ZFAND4: variants seen among roughly 807,000 people sequenced by gnomAD.
ZFAND4 encodes zinc finger AN1-type containing 4.
In ZFAND4, 43 loss-of-function variants were observed where a neutral mutation model predicts 64.4. That is an observed-to-expected ratio of 0.67 (90% CI 0.52 to 0.86). The LOEUF (loss-of-function observed/expected upper bound fraction) is 0.86, where lower values mean the gene tolerates loss of function less well. Ranked by LOEUF, ZFAND4 falls within the 40% of genes least tolerant of loss-of-function variation. The pLI is 0.00. For missense variants in ZFAND4, 929 were observed against 859.8 expected (o/e 1.08, Z -1.01); for synonymous variants, 296 against 305.7 (o/e 0.97, Z 0.33).
At position 45,623,247 on chromosome 10, in the gene ZFAND4, T is replaced by C. The variant is rs114787251; in HGVS notation, c.1927+1336A>G. 3.2e-3 allele frequency among the ~76,000 whole-genome samples: 490 copies of C among 152,290 alleles called. 4 individuals are homozygous for C. The highest frequency in any genetic ancestry group is 0.011 in the African/African-American group (459 of 41,556). ...AATTAAAAATAGAAATACCTTCTGA[T>C]CCCGCAATTTCATTTCTGGGTATAT... On this transcript the variant is annotated intron_variant, in intron 8 of 9. Transcript: ENST00000344646.
intron 4 of ZFAND4, chr10:45,650,645 G>A (rs1476525575): frequency 6.6e-6 from 1 of 152,070 alleles, no homozygotes; most frequent in African/African-American, 2.4e-5. Context: ...GTTTAAAGTA[G>A]TACTACGCAC....
rs780417286 is a variant in ZFAND4 at position 45,626,080 on chromosome 10, T to A, written c.1743A>T (p.Arg581Ser). ...TGCCTGCCCCACGTGTGCTCTGTAA[T>A]CTATTTCTGCTTGTGCTCCCGGCCA... ...ASLAGSTSRN[R>S]LQSTRGAGRL... Residue 581 changes from arginine (R) to serine (S), a missense_variant, in exon 7 of 10, where the codon AGA becomes AGT. Coordinates refer to ENST00000344646, the MANE Select transcript of ZFAND4 (RefSeq NM_174890.4). 5.6e-6 allele frequency: 9 copies of A among 1,614,110 alleles called. No individual in the cohort carries two copies. The highest frequency in any genetic ancestry group is 6.8e-6 in the Non-Finnish European group (8 of 1,180,034).
At chr10:45,663,952 A>T (rs1473476153) in intron 1 of ZFAND4, 110 bp from the exon 2 acceptor site, 2 of 399,892 alleles carry the variant, frequency 5.0e-6, no homozygotes, top group Admixed American at 9.1e-5. Context: ...CCCAGAATTC[A>T]CTTTAGTGCT....
At position 45,626,479 on chromosome 10, in the gene ZFAND4, CACTCCTGCA is replaced by C; in HGVS notation, c.1335_1343del (p.Ala446_Val448del). ...AAGTCTCTACTGATTCCCCATTCAGCACTCCTGCAACATGCTTGAGATGCTGCTCTGGAG... is the reference window on the plus strand; with the variant it reads ...AAGTCTCTACTGATTCCCCATTCAGCACATGCTTGAGATGCTGCTCTGGAG... On this transcript the variant is annotated inframe_deletion, in exon 7 of 10. Coordinates refer to ENST00000344646, the MANE Select transcript of ZFAND4 (RefSeq NM_174890.4). The C allele has an allele frequency of 1.2e-6, 2 of 1,613,710 alleles. No homozygotes were observed. The highest frequency in any genetic ancestry group is 4.5e-5 in the East Asian group (2 of 44,878).
chr10:45,626,883 C>A lies in ZFAND4; in HGVS notation c.940G>T (p.Gly314Cys). 1.2e-6 allele frequency: 2 copies of A among 1,614,132 alleles called. No individual in the cohort carries two copies. Among genetic ancestry groups the A allele is most frequent in the Middle Eastern group, 1.6e-4 (1 of 6,062 alleles). ...SAERYISSITGEFLKEDNSWE... is the reference protein window; with the variant it reads ...SAERYISSITCEFLKEDNSWE... ...CTATTATCTTCCTTAAGAAATTCAC[C>A]AGTGATAGAAGATATGTATCTCTCA... The change falls in exon 7 of 10, where the codon GGT becomes TGT. Residue 314 changes from glycine (G) to cysteine (C), a missense_variant. By Grantham distance (159) the Gly-to-Cys change is radical (BLOSUM62 -3). Transcript: ENST00000344646.
intron 2 of ZFAND4, among the ~76,000 whole-genome samples, chr10:45,656,542 GAAAGA>G (rs1043999915): frequency 4.3e-5 from 5 of 116,514 alleles, no homozygotes; most frequent in African/African-American, 1.6e-4. Flanking sequence ...AAAAAAGAAA[GAAAGA>G]AAAGAAACAA....
intron 6 of ZFAND4, among the ~76,000 whole-genome samples, chr10:45,627,631 G>A (rs1343769063): frequency 2.0e-5 from 3 of 152,122 alleles, no homozygotes; most frequent in Non-Finnish European, 4.4e-5. Flanking sequence ...GATAAGAGTC[G>A]TTCATTGTGC....
chr10:45,656,521 AAAAAG>A (rs1490231387), intron 2 of ZFAND4, among the ~76,000 whole-genome samples: 2 of 147,312 alleles, frequency 1.4e-5, no homozygotes, highest in South Asian at 2.1e-4. Flanking sequence ...AAAAAAAAAA[AAAAAG>A]AAAAGAAAAA....
At chr10:45,665,598 A>C (rs184113952) in intron 1 of ZFAND4, among the ~76,000 whole-genome samples, 35 of 152,276 alleles carry the variant, frequency 2.3e-4, no homozygotes, top group African/African-American at 8.2e-4. Flanking sequence ...AAATTCACTC[A>C]TTTAAAGCCT....
Position 45,617,002 on chromosome 10 carries a change from C to G in ZFAND4, c.2049-431G>C, listed in dbSNP as rs563158837. ...CTGAGGCAGGAGAATCGCTTGAACC[C>G]AGGAGGTGGAGGTTGCAGTGAGCCA... is the stretch of plus-strand genomic sequence containing the variant. On this transcript the variant is annotated intron_variant, in intron 9 of 9. Coordinates refer to ENST00000344646, the MANE Select transcript of ZFAND4 (RefSeq NM_174890.4). Among the ~76,000 whole-genome samples the G allele has an allele frequency of 7.9e-5, 12 of 151,618 alleles. No individual in the cohort carries two copies. The East Asian group carries it at 2.3e-3, about 30-fold the overall frequency.
intron 1 of ZFAND4, among the ~76,000 whole-genome samples, chr10:45,664,423 C>A (rs1204652088): frequency 6.6e-6 from 1 of 151,936 alleles, no homozygotes. Context: ...CACCCACCAC[C>A]ATGCCCAGCA....
At position 45,616,513 on chromosome 10, in the gene ZFAND4, C is replaced by T. The variant is rs750104496; in HGVS notation, c.2107G>A (p.Asp703Asn). ...TATCTCCTCCCTGCACTCTTGTAATCATAGGTACAGCCATGAGTTTCTGCA... is the reference window on the plus strand; with the variant it reads ...TATCTCCTCCCTGCACTCTTGTAATTATAGGTACAGCCATGAGTTTCTGCA... Reference protein sequence around the residue: ...RYAETHGCTYDYKSAGRRYLH... With the variant: ...RYAETHGCTYNYKSAGRRYLH... Residue 703 changes from aspartate to asparagine, a missense_variant, in exon 10 of 10, where the codon GAT (aspartate) becomes AAT (asparagine). By Grantham distance (23) the Asp-to-Asn change is conservative. Coordinates refer to ENST00000344646, the MANE Select transcript of ZFAND4 (RefSeq NM_174890.4). The T allele has an allele frequency of 6.2e-6, 10 of 1,614,026 alleles. No homozygotes were observed. Among genetic ancestry groups the T allele is most frequent in the South Asian group, 3.3e-5 (3 of 91,082 alleles).
At chr10:45,661,241 G>A (rs551662099) in intron 2 of ZFAND4, among the ~76,000 whole-genome samples, 1 of 152,264 alleles carries the variant, frequency 6.6e-6, no homozygotes, top group Admixed American at 6.5e-5. Context: ...CTAAGATACA[G>A]AGAGATTAAG....
chr10:45,627,772 A>C (rs1393646067), intron 6 of ZFAND4, among the ~76,000 whole-genome samples: 1 of 152,198 alleles, frequency 6.6e-6, no homozygotes, highest in Non-Finnish European at 1.5e-5. Flanking sequence ...CAGAGTCTCT[A>C]ATGAGCCTCC....
chr10:45,646,745 CAA>C (rs2047410321), intron 5 of ZFAND4, among the ~76,000 whole-genome samples: 1 of 152,120 alleles, frequency 6.6e-6, no homozygotes, highest in East Asian at 1.9e-4. Context: ...AAAAGGGAGC[CAA>C]AAGAGTGTGT....
At chr10:45,618,318 T>C in intron 8 of ZFAND4, 58 bp from the exon 9 acceptor site, 4 of 1,581,740 alleles carry the variant, frequency 2.5e-6, no homozygotes, top group Non-Finnish European at 3.4e-6. Flanking sequence ...ACATGAAATA[T>C]TATTAAGCAA....
chr10:45,640,050 A>C (rs1486560377), intron 5 of ZFAND4, 87 bp from the exon 6 acceptor site: 42 of 1,422,004 alleles, frequency 3.0e-5, no homozygotes, highest in Non-Finnish European at 3.8e-5. Flanking sequence ...AATCTATAGA[A>C]GTTACTAATG....
At chr10:45,669,251 A>C (rs191726500) in intron 1 of ZFAND4, among the ~76,000 whole-genome samples, 9 of 152,314 alleles carry the variant, frequency 5.9e-5, no homozygotes, top group African/African-American at 2.2e-4. Flanking sequence ...TACCATAAAC[A>C]CCTCTACACA....
intron 8 of ZFAND4, 89 bp from the exon 9 acceptor site, chr10:45,618,349 C>T: frequency 3.4e-6 from 5 of 1,459,868 alleles, no homozygotes; most frequent in Non-Finnish European, 4.6e-6. Flanking sequence ...ATAGTCCTAT[C>T]AAAGTAAATA....
Sources: allele counts gnomAD v4.1 joint callset (sites outside exome capture counted in the v4.1 genomes callset), GRCh38; gene constraint gnomAD v4.1.1; transcripts MANE v1.5; gene names NCBI Gene and HGNC (gene_info 2026-07-23, HGNC 2026-07-21).